CTNNA2: variants seen among roughly 807,000 people sequenced by gnomAD.
The protein encoded by CTNNA2 is catenin alpha 2, also known as catenin alpha-2.
Under a neutral mutation model 101.0 loss-of-function variants are expected in CTNNA2, and 42 were observed. That is an observed-to-expected ratio of 0.42 (90% CI 0.32 to 0.54). The LOEUF is 0.54. Ranked by LOEUF, CTNNA2 falls within the 20% of genes least tolerant of loss-of-function variation. CTNNA2 has a pLI of 0.14. For synonymous variants in CTNNA2, 450 were observed against 456.4 expected (o/e 0.99, Z 0.18); for missense variants, 871 against 1,223.1 (o/e 0.71, Z 4.29).
chr2:79,619,650 G>A (rs777884348), intron 1 of CTNNA2, among the ~76,000 whole-genome samples: 12 of 152,086 alleles, frequency 7.9e-5, no homozygotes, highest in Non-Finnish European at 1.6e-4. Context: ...TTTGAATATA[G>A]CCTCATATTT....
At chr2:79,833,174 T>G (rs879404848) in intron 3 of CTNNA2, among the ~76,000 whole-genome samples, 2 of 152,204 alleles carry the variant, frequency 1.3e-5, no homozygotes, top group Admixed American at 6.5e-5. Context: ...TTTCTAAACC[T>G]GAGTTTGGAA....
chr2:80,499,642 G>A (rs1320058185), intron 9 of CTNNA2, among the ~76,000 whole-genome samples: 2 of 151,994 alleles, frequency 1.3e-5, no homozygotes, highest in African/African-American at 2.4e-5. Flanking sequence ...GGCCAACACA[G>A]CAAAACCCTG....
At chr2:80,406,006 T>C (rs893026460) in intron 8 of CTNNA2, among the ~76,000 whole-genome samples, 2 of 152,202 alleles carry the variant, frequency 1.3e-5, no homozygotes, top group Non-Finnish European at 2.9e-5. Context: ...CAGGCTGCCT[T>C]AAGTAGTAGC....
intron 7 of CTNNA2, among the ~76,000 whole-genome samples, chr2:80,309,194 G>C (rs1038718984): frequency 1.6e-4 from 24 of 152,158 alleles, no homozygotes; most frequent in African/African-American, 4.3e-4. Flanking sequence ...CTCTATACTG[G>C]TGTAGAGAAC....
chr2:79,286,866 A>T (rs1213710605), intron 2 of CTNNA2, among the ~76,000 whole-genome samples: 1 of 152,048 alleles, frequency 6.6e-6, no homozygotes, highest in African/African-American at 2.4e-5. Context: ...ACTTGGTTCC[A>T]TTCTCTCCGT....
At chr2:79,762,131 T>G (rs1413335636) in intron 3 of CTNNA2, among the ~76,000 whole-genome samples, 2 of 152,214 alleles carry the variant, frequency 1.3e-5, no homozygotes, top group African/African-American at 4.8e-5. Flanking sequence ...AAACAAAATC[T>G]TCAAATTTGA....
chr2:80,344,124 A>C (rs1015209729), intron 7 of CTNNA2, among the ~76,000 whole-genome samples: 1 of 152,098 alleles, frequency 6.6e-6, no homozygotes, highest in African/African-American at 2.4e-5. Context: ...CACTATCAGC[A>C]GCTTGGGCAC....
At chr2:80,406,563 A>G (rs1446710356) in intron 8 of CTNNA2, among the ~76,000 whole-genome samples, 4 of 152,082 alleles carry the variant, frequency 2.6e-5, no homozygotes, top group African/African-American at 9.7e-5. Context: ...GTGGTGGCTC[A>G]CGCCTGTAAT....
chr2:79,498,780 C>G (rs1224242902), intron 4 of CTNNA2: 1 of 152,184 alleles, frequency 6.6e-6, no homozygotes, highest in Non-Finnish European at 1.5e-5. Context: ...CCTTCCAGGT[C>G]TCCTATTATC....
chr2:79,626,052 A>G (rs1679281615), intron 1 of CTNNA2, among the ~76,000 whole-genome samples: 1 of 152,028 alleles, frequency 6.6e-6, no homozygotes, highest in South Asian at 2.1e-4. Flanking sequence ...ACGTTTGACC[A>G]TTTTCTACTT....
intron 7 of CTNNA2, among the ~76,000 whole-genome samples, chr2:80,143,916 G>C (rs1703169321): frequency 6.6e-6 from 1 of 152,088 alleles, no homozygotes; most frequent in Admixed American, 6.6e-5. Flanking sequence ...AAATATATCT[G>C]CAGGGGTACT....
At chr2:80,406,639 A>T (rs1281498081) in intron 8 of CTNNA2, among the ~76,000 whole-genome samples, 1 of 151,998 alleles carries the variant, frequency 6.6e-6, no homozygotes, top group Non-Finnish European at 1.5e-5. Flanking sequence ...ATCGTGGCTA[A>T]CGCGGTGAAA....
chr2:80,375,562 CTTT>C (rs199662476), intron 7 of CTNNA2, among the ~76,000 whole-genome samples: 2 of 105,614 alleles, frequency 1.9e-5, no homozygotes, highest in Middle Eastern at 5.6e-3. Context: ...TTTCTGGCTT[CTTT>C]TTTTTTTTTT....
chr2:79,688,643 A>G (rs759746496), intron 2 of CTNNA2, among the ~76,000 whole-genome samples: 12 of 152,254 alleles, frequency 7.9e-5, no homozygotes, highest in Admixed American at 3.3e-4. Flanking sequence ...ACATTTTTAT[A>G]GCACTAGAAA....
rs575246921 is a variant in CTNNA2 at position 79,452,161 on chromosome 2, C to T, written c.-134-52893C>T. Among the ~76,000 whole-genome samples the T allele has an allele frequency of 6.6e-5, 10 of 152,140 alleles. No individual in the cohort carries two copies. The South Asian group carries it at 2.1e-3, about 32-fold the overall frequency. The stretch of plus-strand genomic sequence containing the variant: ...GCCATAAAGATATTAATAATATGTC[C>T]CTTTATCACTGCCCCAAAGAAGTGA... On this transcript the variant is annotated intron_variant, in intron 4 of 21. Transcript: ENST00000466387.
chr2:80,376,138 A>AT (rs149540915), intron 7 of CTNNA2, among the ~76,000 whole-genome samples: 75 of 151,984 alleles, frequency 4.9e-4, no homozygotes, highest in African/African-American at 1.8e-3. Context: ...CCATTATTTG[A>AT]TTTTTTTTCC....
At chr2:79,709,833 G>C in intron 2 of CTNNA2, among the ~76,000 whole-genome samples, 1 of 152,070 alleles carries the variant, frequency 6.6e-6, no homozygotes, top group South Asian at 2.1e-4. Flanking sequence ...AAAATCAAAG[G>C]TATTGCAGCC....
chr2:80,166,678 T>G (rs1332094354), intron 7 of CTNNA2, among the ~76,000 whole-genome samples: 1 of 152,160 alleles, frequency 6.6e-6, no homozygotes, highest in East Asian at 1.9e-4. Context: ...GTTGATCAGA[T>G]GACAGGTCAC....
intron 1 of CTNNA2, among the ~76,000 whole-genome samples, chr2:79,615,384 G>T (rs1678548592): frequency 6.6e-6 from 1 of 152,006 alleles, no homozygotes; most frequent in African/African-American, 2.4e-5. Context: ...GACTAAAAAA[G>T]TTAGCCTTTC....
Sources: gnomAD v4.1 joint callset for allele counts (sites outside exome capture counted in the v4.1 genomes callset) on GRCh38, gnomAD v4.1.1 for gene constraint, MANE v1.5 for transcripts, NCBI Gene and HGNC (gene_info 2026-07-23, HGNC 2026-07-21) for gene names.